ATXN2: variants seen among roughly 807,000 people sequenced by gnomAD.
ATXN2 encodes the protein ataxin-2.
ATXN2 carries 37 observed loss-of-function variants against 138.6 expected under a neutral mutation model. The observed-to-expected ratio is 0.27, with a 90% CI of 0.21 to 0.35. The LOEUF (loss-of-function observed/expected upper bound fraction) is 0.35. ATXN2 is among the 10% of genes least tolerant of loss of function. ATXN2 has a pLI of 1.00. For synonymous variants in ATXN2, 549 were observed against 543.7 expected (o/e 1.01, Z -0.13); for missense variants, 1,216 against 1,480.3 (o/e 0.82, Z 2.93).
chr12:111,537,098 TAA>T (rs2135763414), intron 5 of ATXN2, among the ~76,000 whole-genome samples: 1 of 152,096 alleles, frequency 6.6e-6, no homozygotes, highest in South Asian at 2.1e-4. Context: ...ACAAAAACTT[TAA>T]AAGTCACTGT....
At chr12:111,525,042 G>T in intron 6 of ATXN2, 150 bp downstream of exon 6, 1 of 967,362 alleles carries the variant, frequency 1.0e-6, no homozygotes, top group Non-Finnish European at 1.4e-6. Flanking sequence ...TATATTGCTT[G>T]GGAGAAAGTC....
In ATXN2 at chr12:111,508,031, G is replaced by A. The variant is rs11830520; in HGVS notation, c.1935+1518C>T. Reference sequence around the variant, plus strand: ...AGGGACACAAACACTGCGGAAGGCCGCAGGGTCCTCTGCCTAGGAAAACCA... The same window carrying A: ...AGGGACACAAACACTGCGGAAGGCCACAGGGTCCTCTGCCTAGGAAAACCA... On this transcript the variant is annotated intron_variant, in intron 14 of 24. Transcript: ENST00000673436. Among the ~76,000 whole-genome samples, 162 of 152,220 alleles carry A rather than the reference G, an allele frequency of 1.1e-3. 1 individual carries two copies. Among genetic ancestry groups the A allele is most frequent in the African/African-American group, 3.5e-3 (147 of 41,534 alleles).
In ATXN2 at chr12:111,598,868, G is replaced by A. The variant is rs1433820293; in HGVS notation, c.167C>T (p.Ser56Leu). 3 of 1,492,294 alleles carry A rather than the reference G, an allele frequency of 2.0e-6. No homozygotes were observed. Among genetic ancestry groups the A allele is most frequent in the Admixed American group, 2.1e-5 (1 of 46,644 alleles). The allele number at this position is 1,492,294 out of a possible 1,614,324, so 92.4% of individuals were successfully genotyped here. A position where few individuals can be genotyped will look rare whatever the true frequency, so the allele number is the denominator to read the frequency against. Residue 56 changes from serine to leucine, a missense_variant, in exon 1 of 25, where the codon TCG (serine) becomes TTG (leucine). Physicochemically the swap from Ser to Leu is moderately radical, Grantham distance 145. Transcript: ENST00000673436. This position sits in a 1 kb window ranked among gnomAD's most constrained non-coding sequence, Gnocchi z 4.5. ...GGCCGAGGACGAGGAGACCGAGGAC[G>A]AGGACGGCGAAGGCGCGGCGGCGGG... ...ASPAAAPSPS[S>L]SSVSSSSATA...
At chr12:111,493,852 C>T (rs1185799396) in intron 14 of ATXN2, among the ~76,000 whole-genome samples, 1 of 152,156 alleles carries the variant, frequency 6.6e-6, no homozygotes, top group Non-Finnish European at 1.5e-5. Context: ...TGGTCTCGAA[C>T]TCCTAACCTT....
At chr12:111,587,580 C>A (rs1884408237) in intron 1 of ATXN2, among the ~76,000 whole-genome samples, 1 of 151,902 alleles carries the variant, frequency 6.6e-6, no homozygotes, top group Non-Finnish European at 1.5e-5. Flanking sequence ...TGCTTGAGCC[C>A]AGGATGTTGA....
intron 16 of ATXN2, 131 bp from the exon 17 acceptor site, chr12:111,485,996 C>T (rs1877613922): frequency 2.0e-5 from 15 of 746,862 alleles, no homozygotes; most frequent in Non-Finnish European, 2.5e-5. Context: ...AAAACAAAAA[C>T]ACAGCACATA....
At chr12:111,540,288 T>C in intron 5 of ATXN2, among the ~76,000 whole-genome samples, 1 of 150,626 alleles carries the variant, frequency 6.6e-6, no homozygotes, top group East Asian at 1.9e-4. Context: ...ATATTAGCAT[T>C]ACACAACCCT....
At chr12:111,518,057 G>C (rs1879954178) in intron 9 of ATXN2, among the ~76,000 whole-genome samples, 192 bp downstream of exon 9, 1 of 151,984 alleles carries the variant, frequency 6.6e-6, no homozygotes, top group African/African-American at 2.4e-5. Context: ...TAATATATAT[G>C]TCAATGACAT....
chr12:111,486,000 G>T, intron 16 of ATXN2, 135 bp from the exon 17 acceptor site: 1 of 714,230 alleles, frequency 1.4e-6, no homozygotes, highest in Non-Finnish European at 2.0e-6. Context: ...CAAAAACACA[G>T]CACATAAATT....
chr12:111,555,887 G>T lies in ATXN2; in HGVS notation c.284C>A (p.Ser95Tyr). 7 of 1,602,868 alleles carry T rather than the reference G, an allele frequency of 4.4e-6. No individual in the cohort carries two copies. The highest frequency in any genetic ancestry group is 6.0e-6 in the Non-Finnish European group (7 of 1,175,232). ...GRNSNKGLPQ[S>Y]TISFDGIYAN... ...AGTAACATTAAAGTTACTCACCGTA[G>T]ACTGAGGCAGTCCTTTGTTACTGTT... is the stretch of plus-strand genomic sequence containing the variant. The change falls in exon 2 of 25, where the codon TCT becomes TAT. Residue 95 changes from serine (S) to tyrosine (Y), a missense_variant. By Grantham distance (144) the Ser-to-Tyr change is moderately radical. Around this residue, in one of 4 missense-constraint regions of ATXN2, gnomAD observed 401 missense variants for 528.1 expected, o/e 0.76. Transcript: ENST00000673436.
intron 18 of ATXN2, among the ~76,000 whole-genome samples, chr12:111,474,134 C>T (rs7965226): frequency 0.1 from 15,550 of 152,018 alleles, 2,659 homozygotes; most frequent in African/African-American, 0.35. Flanking sequence ...GGTGGGAGGA[C>T]CACCTAAGCC....
intron 21 of ATXN2, among the ~76,000 whole-genome samples, chr12:111,464,175 C>T (rs1297498432): frequency 1.3e-5 from 2 of 151,806 alleles, no homozygotes; most frequent in Non-Finnish European, 2.9e-5. Flanking sequence ...ATTAAAAATC[C>T]TGGTAGGCAT....
At chr12:111,488,455 C>G in intron 15 of ATXN2, 21 bp downstream of exon 15, 2 of 1,586,968 alleles carry the variant, frequency 1.3e-6, no homozygotes, top group Non-Finnish European at 1.7e-6. Flanking sequence ...ACAGGATGGT[C>G]TAAGTTCCAG....
chr12:111,537,227 AAAAG>A (rs1156408173), intron 5 of ATXN2, among the ~76,000 whole-genome samples: 1 of 152,202 alleles, frequency 6.6e-6, no homozygotes, highest in African/African-American at 2.4e-5. Flanking sequence ...TTGGCCATGA[AAAAG>A]AAAGAAGTAC....
At chr12:111,561,009 A>G (rs913645472) in intron 1 of ATXN2, among the ~76,000 whole-genome samples, 8 of 151,104 alleles carry the variant, frequency 5.3e-5, no homozygotes, top group Non-Finnish European at 1.0e-4. Flanking sequence ...CTGAAACCCC[A>G]TCTCTACTAA....
At chr12:111,523,005 G>A (rs1235333676) in intron 6 of ATXN2, among the ~76,000 whole-genome samples, 1 of 152,038 alleles carries the variant, frequency 6.6e-6, no homozygotes, top group Non-Finnish European at 1.5e-5. Context: ...TCATGGCCAG[G>A]TGCGGTGGCT....
intron 1 of ATXN2, chr12:111,581,489 C>T (rs1884000240): frequency 2.0e-6 from 2 of 993,222 alleles, no homozygotes; most frequent in South Asian, 2.5e-5. Flanking sequence ...ACCCCACAAC[C>T]CTGCTCCCCC....
chr12:111,504,266 A>G (rs552516583), intron 14 of ATXN2, among the ~76,000 whole-genome samples: 31 of 152,322 alleles, frequency 2.0e-4, no homozygotes, highest in Non-Finnish European at 3.5e-4. Context: ...ACTTCCAACA[A>G]GCATGTGAAG....
chr12:111,542,612 G>A (rs1350621416), intron 5 of ATXN2, among the ~76,000 whole-genome samples: 4 of 152,254 alleles, frequency 2.6e-5, no homozygotes. Flanking sequence ...GTTTACAGGA[G>A]TACACCACCA....
Sources: allele counts gnomAD v4.1 joint callset (sites outside exome capture counted in the v4.1 genomes callset), GRCh38; gene constraint gnomAD v4.1.1; regional missense constraint gnomAD v4.1.1; non-coding constraint Gnocchi (gnomAD v3.1); transcripts MANE v1.5; gene names NCBI Gene and HGNC (gene_info 2026-07-23, HGNC 2026-07-21).